RALGPS1: variants seen among roughly 807,000 people sequenced by gnomAD.
RALGPS1 encodes ras-specific guanine nucleotide-releasing factor RalGPS1.
Under a neutral mutation model 78.8 loss-of-function variants are expected in RALGPS1, and 19 were observed. The observed-to-expected ratio is 0.24, with a 90% CI of 0.17 to 0.35. The LOEUF is 0.35. Among genes scored for constraint, RALGPS1 ranks in the 10% least tolerant of loss-of-function variants. RALGPS1 has a pLI of 1.00. For synonymous variants in RALGPS1, 228 were observed against 256.3 expected, an observed-to-expected ratio of 0.89 and a Z score of 1.06; for missense variants, 454 against 688.3, an observed-to-expected ratio of 0.66 and a Z score of 3.81.
intron 8 of RALGPS1, among the ~76,000 whole-genome samples, chr9:127,142,237 T>C (rs921393137): frequency 9.9e-5 from 15 of 152,196 alleles, no homozygotes; most frequent in African/African-American, 2.9e-4. Context: ...CAGCCTCATA[T>C]TGCAGATGTA....
intron 4 of RALGPS1, among the ~76,000 whole-genome samples, chr9:126,991,759 T>C (rs865925895): frequency 7.2e-5 from 11 of 152,326 alleles, no homozygotes; most frequent in South Asian, 4.1e-4. Context: ...CTCATAGTGT[T>C]ATGATGGTTA....
intron 5 of RALGPS1, among the ~76,000 whole-genome samples, chr9:127,045,809 C>G (rs1337562166): frequency 2.0e-5 from 3 of 151,176 alleles, no homozygotes; most frequent in Admixed American, 2.0e-4. Context: ...TTTCTTGGCT[C>G]TGCCAGCTGA....
intron 1 of RALGPS1, among the ~76,000 whole-genome samples, chr9:126,943,641 C>T (rs2036978342): frequency 6.6e-6 from 1 of 152,132 alleles, no homozygotes; most frequent in African/African-American, 2.4e-5. Flanking sequence ...CCCTGAAGAG[C>T]CTTAGAAACT....
intron 10 of RALGPS1, among the ~76,000 whole-genome samples, chr9:127,173,472 T>G (rs1280470032): frequency 6.6e-6 from 1 of 152,234 alleles, no homozygotes; most frequent in East Asian, 1.9e-4. Flanking sequence ...TGGCTTTAAA[T>G]TATGCCCCTT....
At chr9:127,070,676 G>A (rs1564522960) in intron 8 of RALGPS1, among the ~76,000 whole-genome samples, 1 of 151,914 alleles carries the variant, frequency 6.6e-6, no homozygotes, top group Non-Finnish European at 1.5e-5. Flanking sequence ...TCAGGGTTTT[G>A]CCAGTTTTAT....
chr9:127,192,502 G>A (rs1438420150), intron 11 of RALGPS1, among the ~76,000 whole-genome samples: 1 of 152,148 alleles, frequency 6.6e-6, no homozygotes, highest in Non-Finnish European at 1.5e-5. Flanking sequence ...AAAGAGGTCT[G>A]GGCCAGGCCT....
intron 4 of RALGPS1, among the ~76,000 whole-genome samples, chr9:127,011,523 A>G (rs2044345093): frequency 6.6e-6 from 1 of 152,146 alleles, no homozygotes. Flanking sequence ...GACTCTTAGA[A>G]TTCAGTAGGG....
chr9:126,940,817 C>T (rs989110919), intron 1 of RALGPS1, among the ~76,000 whole-genome samples: 2 of 152,106 alleles, frequency 1.3e-5, no homozygotes, highest in Non-Finnish European at 2.9e-5. Flanking sequence ...GCACCAGACC[C>T]GAACCTGGGA....
intron 1 of RALGPS1, among the ~76,000 whole-genome samples, chr9:126,937,437 A>G (rs1434917805): frequency 6.6e-6 from 1 of 152,206 alleles, no homozygotes; most frequent in African/African-American, 2.4e-5. Context: ...AGTTTTGACT[A>G]TTGGAGATCA....
At chr9:127,115,665 T>C (rs957927272) in intron 8 of RALGPS1, among the ~76,000 whole-genome samples, 3 of 152,256 alleles carry the variant, frequency 2.0e-5, no homozygotes, top group African/African-American at 7.2e-5. Flanking sequence ...TAAAAGGTGC[T>C]TGTTTGTTTA....
Position 127,174,750 on chromosome 9 carries a change from C to T in RALGPS1, c.878C>T (p.Pro293Leu). 1 of 1,614,190 alleles carries T rather than the reference C, an allele frequency of 6.2e-7. No homozygotes were observed. Among genetic ancestry groups the T allele is most frequent in the East Asian group, 2.2e-5 (1 of 44,884 alleles). ...AGAATCGAACCAGGAAGCAGCTCTC[C>T]AAGACTAGTCTCTTCCAAGGAAGAT... is the stretch of plus-strand genomic sequence containing the variant. ...SLRIEPGSSS[P>L]RLVSSKEDLA... Residue 293 changes from proline (P) to leucine (L), a missense_variant, in exon 11 of 19, where the codon CCA (proline) becomes CTA (leucine). Transcript: ENST00000259351.
chr9:127,103,517 C>T (rs1192407621), intron 8 of RALGPS1, among the ~76,000 whole-genome samples: 1 of 152,084 alleles, frequency 6.6e-6, no homozygotes, highest in Non-Finnish European at 1.5e-5. Flanking sequence ...AGAAGGAACC[C>T]CAGAGGATAT....
chr9:126,990,018 G>T (rs767968369), intron 4 of RALGPS1: 1 of 1,549,528 alleles, frequency 6.5e-7, no homozygotes, highest in South Asian at 1.2e-5. Flanking sequence ...CTGGCCTTTT[G>T]TCTGGATGCC....
At chr9:127,022,865 A>G (rs970531801) in intron 4 of RALGPS1, among the ~76,000 whole-genome samples, 2 of 152,296 alleles carry the variant, frequency 1.3e-5, no homozygotes, top group South Asian at 4.1e-4. Flanking sequence ...CGCAGGAGTT[A>G]TCATCTGACT....
At chr9:127,040,380 C>T (rs1020021993) in intron 5 of RALGPS1, among the ~76,000 whole-genome samples, 4 of 151,898 alleles carry the variant, frequency 2.6e-5, no homozygotes, top group Non-Finnish European at 4.4e-5. Flanking sequence ...CCAGCCTGGG[C>T]GACAGAGTGA....
chr9:127,127,808 G>A (rs981035859), intron 8 of RALGPS1, among the ~76,000 whole-genome samples: 4 of 151,946 alleles, frequency 2.6e-5, no homozygotes, highest in African/African-American at 9.7e-5. Flanking sequence ...GAAATAATGG[G>A]ACTGGGAATA....
intron 1 of RALGPS1, among the ~76,000 whole-genome samples, chr9:126,941,782 C>T (rs2036816123): frequency 6.6e-6 from 1 of 152,164 alleles, no homozygotes; most frequent in Non-Finnish European, 1.5e-5. Flanking sequence ...TCTCCCTCAC[C>T]TTTTTATCTA....
chr9:127,148,848 G>A (rs2058252360), intron 8 of RALGPS1, among the ~76,000 whole-genome samples: 1 of 152,238 alleles, frequency 6.6e-6, no homozygotes, highest in Non-Finnish European at 1.5e-5. Flanking sequence ...GCTGTGGATG[G>A]AACAGAATGT....
intron 8 of RALGPS1, among the ~76,000 whole-genome samples, chr9:127,151,443 A>G (rs2058417025): frequency 6.6e-6 from 1 of 152,210 alleles, no homozygotes; most frequent in Non-Finnish European, 1.5e-5. Context: ...TCATGGGTAA[A>G]CAATCCTTCC....
Sources: allele counts gnomAD v4.1 joint callset (sites outside exome capture counted in the v4.1 genomes callset), GRCh38; gene constraint gnomAD v4.1.1; transcripts MANE v1.5; gene names NCBI Gene and HGNC (gene_info 2026-07-23, HGNC 2026-07-21).